The following PCDHGA1 variants were observed in gnomAD, a reference collection of about 807,000 sequenced individuals.
PCDHGA1 encodes protocadherin gamma-A1.
In PCDHGA1, 32 loss-of-function variants were observed where a neutral mutation model predicts 58.0. The observed-to-expected ratio is 0.55, with a 90% CI of 0.42 to 0.74. The LOEUF is 0.74. Among genes scored for constraint, PCDHGA1 ranks in the 30% least tolerant of loss-of-function variants. The pLI is 0.00. For synonymous variants in PCDHGA1, 498 were observed against 501.1 expected (o/e 0.99, Z 0.08); for missense variants, 1,205 against 1,182.3 (o/e 1.02, Z -0.28).
At chr5:141,376,598 T>C (rs1266574901) in intron 1 of PCDHGA1, 35 of 1,542,956 alleles carry the variant, frequency 2.3e-5, no homozygotes, top group Admixed American at 1.7e-4. Context: ...TCGGCTGTTA[T>C]AGAAGCGAAC....
Position 141,361,516 on chromosome 5 carries a change from G to A in PCDHGA1, c.2421+28411G>A, listed in dbSNP as rs750174731. ...CCAACAGACTTCCTACATGGTTCAC[G>A]TGGCAGAGAACAATCCTCCTGGCGC... is the stretch of plus-strand genomic sequence containing the variant. On this transcript the variant is annotated intron_variant, in intron 1 of 3. Coordinates refer to ENST00000517417, the MANE Select transcript of PCDHGA1 (RefSeq NM_018912.3). The A allele has an allele frequency of 8.7e-6, 14 of 1,613,942 alleles. No homozygotes were observed. Among genetic ancestry groups the A allele is most frequent in the South Asian group, 7.7e-5 (7 of 91,088 alleles).
intron 1 of PCDHGA1, among the ~76,000 whole-genome samples, chr5:141,369,705 A>G (rs1766444941): frequency 6.6e-6 from 1 of 152,376 alleles, no homozygotes; most frequent in East Asian, 1.9e-4. Flanking sequence ...AAGCTATGAC[A>G]TTATAACTTT....
chr5:141,433,162 A>G, intron 1 of PCDHGA1: 1 of 1,613,890 alleles, frequency 6.2e-7, no homozygotes, highest in Non-Finnish European at 8.5e-7. Flanking sequence ...TATTTTCTAA[A>G]GACAGTCATG....
At chr5:141,427,361 A>C in intron 1 of PCDHGA1, 1 of 457,772 alleles carries the variant, frequency 2.2e-6, no homozygotes, top group Non-Finnish European at 4.4e-6. Flanking sequence ...AGGACGCAGA[A>C]CCCTGGACGG....
In PCDHGA1 at chr5:141,334,192, G is replaced by A. The variant is rs1756505133; in HGVS notation, c.2421+1087G>A. Reference sequence around the variant, plus strand: ...CTTGGACTTAAAAGCAGAAATTGAAGGTTAGGAAACTGCCTCCAGCAATGT... The same window carrying A: ...CTTGGACTTAAAAGCAGAAATTGAAAGTTAGGAAACTGCCTCCAGCAATGT... On this transcript the variant is annotated intron_variant, in intron 1 of 3. Coordinates refer to ENST00000517417, the MANE Select transcript of PCDHGA1 (RefSeq NM_018912.3). The surrounding 1 kb of genome is among the most constrained non-coding windows in gnomAD (Gnocchi z 4.6). The A allele has an allele frequency of 6.6e-6, 1 of 152,204 alleles. No homozygotes were observed. The highest frequency in any genetic ancestry group is 2.1e-4 in the South Asian group (1 of 4,832). 9.4% of individuals were successfully genotyped at this position (152,204 alleles called of 1,614,324 possible). A position where few individuals can be genotyped will look rare whatever the true frequency, so the allele number is the denominator to read the frequency against.
Position 141,489,753 on chromosome 5 carries a change from T to A in PCDHGA1, c.2422-5054T>A, listed in dbSNP as rs549652158. On this transcript the variant is annotated intron_variant, in intron 1 of 3. Transcript: ENST00000517417. The surrounding 1 kb of genome is among the most constrained non-coding windows in gnomAD (Gnocchi z 4.5). ...GCACCAATACTGTGAGCTTTTACAC[T>A]CTAAGCCCCAACAGCCACTTCTCTC... 6.2e-7 allele frequency: 1 copy of A among 1,614,070 alleles called. No homozygotes were observed. The highest frequency in any genetic ancestry group is 2.2e-5 in the East Asian group (1 of 44,866).
intron 1 of PCDHGA1, chr5:141,414,562 A>G (rs770740530): frequency 3.1e-6 from 5 of 1,613,924 alleles, no homozygotes; most frequent in Non-Finnish European, 4.2e-6. Context: ...CTCCTACTTT[A>G]CCTATATCCC....
intron 1 of PCDHGA1, among the ~76,000 whole-genome samples, chr5:141,456,083 G>A (rs2098842632): frequency 6.6e-6 from 1 of 151,960 alleles, no homozygotes; most frequent in South Asian, 2.1e-4. Context: ...ATTTTCAGTA[G>A]AGACGGGATT....
chr5:141,419,741 A>C (rs769795920), intron 1 of PCDHGA1: 2 of 1,613,856 alleles, frequency 1.2e-6, no homozygotes, highest in Admixed American at 1.7e-5. Context: ...CGAGGTGCGC[A>C]TGGTGCGTGC....
chr5:141,361,590 C>T, intron 1 of PCDHGA1: 1 of 1,614,036 alleles, frequency 6.2e-7, no homozygotes, highest in Non-Finnish European at 8.5e-7. Context: ...GCCCCAGTGG[C>T]CAAGTTTCCT....
Position 141,450,757 on chromosome 5 carries a change from G to A in PCDHGA1, c.2422-44050G>A, listed in dbSNP as rs575351311. Among the ~76,000 whole-genome samples, 5 of 151,964 alleles carry A rather than the reference G, an allele frequency of 3.3e-5. No individual in the cohort carries two copies. In the East Asian group the frequency reaches 9.7e-4, roughly 29 times the overall value. ...CCGCCTTGGCCTCCCAAAGTGCCGG[G>A]ATTACAGGCATGAGCCACCGTGCCC... On this transcript the variant is annotated intron_variant, in intron 1 of 3. Coordinates refer to ENST00000517417, the MANE Select transcript of PCDHGA1 (RefSeq NM_018912.3).
intron 1 of PCDHGA1, chr5:141,374,146 G>A (rs770813485): frequency 5.0e-6 from 8 of 1,611,142 alleles, no homozygotes; most frequent in East Asian, 4.5e-5. Context: ...CGCTCCTGGG[G>A]ACGCTGTGGG....
intron 1 of PCDHGA1, chr5:141,419,088 T>G (rs2096325159): frequency 1.2e-6 from 2 of 1,613,940 alleles, no homozygotes; most frequent in Non-Finnish European, 1.7e-6. Flanking sequence ...GATGAGGCCC[T>G]GGATCGGGAG....
intron 1 of PCDHGA1, chr5:141,423,087 G>C (rs756067751): frequency 1.2e-6 from 2 of 1,613,936 alleles, no homozygotes; most frequent in African/African-American, 1.3e-5. Context: ...TCTTCGCGGT[G>C]GGGGAGCACA....
chr5:141,363,741 C>T (rs1763049748), intron 1 of PCDHGA1, among the ~76,000 whole-genome samples: 1 of 152,096 alleles, frequency 6.6e-6, no homozygotes, highest in African/African-American at 2.4e-5. Context: ...GGTTTGTTTC[C>T]TTGGTATTCT....
At chr5:141,478,493 G>A in intron 1 of PCDHGA1, 1 of 1,613,176 alleles carries the variant, frequency 6.2e-7, no homozygotes, top group Non-Finnish European at 8.5e-7. Flanking sequence ...GCGGAGCTGT[G>A]ATCCGGTGTT....
chr5:141,413,431 G>C (rs963192857), intron 1 of PCDHGA1: 1 of 1,614,092 alleles, frequency 6.2e-7, no homozygotes, highest in Non-Finnish European at 8.5e-7. Flanking sequence ...CCCGCGCAGC[G>C]GCAGCTTGAT....
In PCDHGA1 at chr5:141,332,623, C is replaced by G; in HGVS notation, c.1939C>G (p.Gln647Glu). The change falls in exon 1 of 4, where the codon CAG becomes GAG. Residue 647 changes from glutamine (Q) to glutamate (E), a missense_variant. Coordinates refer to ENST00000517417, the MANE Select transcript of PCDHGA1 (RefSeq NM_018912.3). The surrounding 1 kb of genome is among the most constrained non-coding windows in gnomAD (Gnocchi z 4.6). ...ALKQSLVVAV[Q>E]DHGQPPLSAT... ...CAAGCAGAGTCTCGTGGTGGCCGTC[C>G]AGGACCACGGCCAGCCCCCGCTCTC... 6.2e-7 allele frequency: 1 copy of G among 1,612,838 alleles called. No homozygotes were observed. The highest frequency in any genetic ancestry group is 8.5e-7 in the Non-Finnish European group (1 of 1,179,784).
At chr5:141,503,517 T>C (rs6878542) in intron 2 of PCDHGA1, among the ~76,000 whole-genome samples, 77,350 of 150,132 alleles carry the variant, frequency 0.52, 20,504 homozygotes, top group African/African-American at 0.63. Flanking sequence ...GAGAATCACT[T>C]GAACCTGGGA....
Sources: gnomAD v4.1 joint callset for allele counts (sites outside exome capture counted in the v4.1 genomes callset) on GRCh38, gnomAD v4.1.1 for gene constraint, Gnocchi (gnomAD v3.1) non-coding constraint, MANE v1.5 for transcripts, NCBI Gene and HGNC (gene_info 2026-07-23, HGNC 2026-07-21) for gene names.